DCAF6: variants seen among roughly 807,000 people sequenced by gnomAD.
The protein encoded by DCAF6 is DDB1- and CUL4-associated factor 6.
A neutral mutation model predicts 125.1 loss-of-function variants in DCAF6; 54 were observed. The observed-to-expected ratio is 0.43, with a 90% CI of 0.35 to 0.54. The LOEUF (loss-of-function observed/expected upper bound fraction) is 0.54, where lower values mean the gene tolerates loss of function less well. Ranked by LOEUF, DCAF6 falls within the 20% of genes least tolerant of loss-of-function variation. The probability of loss-of-function intolerance (pLI) is 0.01; values close to 1 mark genes in which losing one functional copy is unlikely to be tolerated. For synonymous variants in DCAF6, 371 were observed against 390.4 expected, an observed-to-expected ratio of 0.95 and a Z score of 0.58; for missense variants, 934 against 1,161.7, an observed-to-expected ratio of 0.80 and a Z score of 2.85.
the DCAF6 span, among the ~76,000 whole-genome samples, chr1:167,867,485 G>A: frequency 2.0e-5 from 3 of 152,088 alleles, no homozygotes; most frequent in Non-Finnish European, 4.4e-5. Context: ...ATTATTTCAT[G>A]GTTATTATAA....
intron 7 of DCAF6, among the ~76,000 whole-genome samples, chr1:167,997,472 T>G (rs973755397): frequency 2.6e-5 from 4 of 151,730 alleles, no homozygotes; most frequent in African/African-American, 9.7e-5. Flanking sequence ...CAGTTGCCTT[T>G]AGCCATACTT....
chr1:167,896,834 A>T, the DCAF6 span: 1 of 642,678 alleles, frequency 1.6e-6, no homozygotes, highest in South Asian at 1.8e-5. Context: ...TGATTTGTAA[A>T]ATTGAAATTT....
chr1:167,968,084 C>G (rs1204213425), intron 3 of DCAF6, among the ~76,000 whole-genome samples: 1 of 151,962 alleles, frequency 6.6e-6, no homozygotes, highest in East Asian at 1.9e-4. Flanking sequence ...ATAGTAATTC[C>G]AAAAATGTAC....
intron 10 of DCAF6, among the ~76,000 whole-genome samples, chr1:168,006,835 T>C (rs528241695): frequency 6.6e-6 from 1 of 152,204 alleles, no homozygotes; most frequent in Non-Finnish European, 1.5e-5. Context: ...TTTACTGATA[T>C]CAAAGAAACG....
intron 17 of DCAF6, among the ~76,000 whole-genome samples, chr1:168,059,165 A>G (rs1691274598): frequency 6.6e-6 from 1 of 152,068 alleles, no homozygotes; most frequent in Non-Finnish European, 1.5e-5. Context: ...TACTTTTGAC[A>G]TTTAAGTTAC....
At chr1:167,881,966 G>A in the DCAF6 span, among the ~76,000 whole-genome samples, 1 of 152,190 alleles carries the variant, frequency 6.6e-6, no homozygotes, top group African/African-American at 2.4e-5. Flanking sequence ...CTTCCTGCCT[G>A]GTTGTGTCAA....
chr1:167,929,417 A>C, the DCAF6 span, among the ~76,000 whole-genome samples: 1 of 152,218 alleles, frequency 6.6e-6, no homozygotes, highest in African/African-American at 2.4e-5. Context: ...TCAAGAATGA[A>C]AAATACTGAC....
At chr1:167,881,772 A>G in the DCAF6 span, among the ~76,000 whole-genome samples, 70 of 152,240 alleles carry the variant, frequency 4.6e-4, no homozygotes, top group Non-Finnish European at 9.6e-4. Flanking sequence ...GCTAAGTCTC[A>G]CAGCTGGGAA....
the DCAF6 span, among the ~76,000 whole-genome samples, chr1:167,919,729 C>T: frequency 6.6e-6 from 1 of 152,106 alleles, no homozygotes; most frequent in Non-Finnish European, 1.5e-5. Context: ...AGGTAACATA[C>T]TGCTTAACTG....
At chr1:168,058,780 G>A (rs1433813187) in intron 17 of DCAF6, among the ~76,000 whole-genome samples, 1 of 152,128 alleles carries the variant, frequency 6.6e-6, no homozygotes, top group Non-Finnish European at 1.5e-5. Flanking sequence ...TGTTAGTCAG[G>A]CTGGTCTTGA....
the DCAF6 span, among the ~76,000 whole-genome samples, chr1:167,866,630 CT>C: frequency 6.7e-6 from 1 of 149,750 alleles, no homozygotes; most frequent in African/African-American, 2.4e-5. Context: ...AAATCCCAAA[CT>C]TACAAGGTTT....
chr1:167,941,912 C>A (rs1672301383), intron 1 of DCAF6, among the ~76,000 whole-genome samples: 1 of 152,152 alleles, frequency 6.6e-6, no homozygotes, highest in Non-Finnish European at 1.5e-5. Context: ...TCCAGACTGT[C>A]TTCCAAAGTA....
intron 1 of DCAF6, among the ~76,000 whole-genome samples, chr1:167,951,300 C>T (rs554644956): frequency 6.2e-4 from 94 of 152,260 alleles, no homozygotes; most frequent in African/African-American, 1.9e-3. Context: ...ACAGGCCGGG[C>T]GTGGTGGCTC....
At chr1:168,050,567 C>T (rs1689785376) in intron 16 of DCAF6, among the ~76,000 whole-genome samples, 1 of 151,998 alleles carries the variant, frequency 6.6e-6, no homozygotes, top group Non-Finnish European at 1.5e-5. Flanking sequence ...TGTACGTGTT[C>T]CAGAGGATGG....
At chr1:167,965,831 C>T (rs148693087) in intron 2 of DCAF6, among the ~76,000 whole-genome samples, 2,310 of 152,150 alleles carry the variant, frequency 0.015, 54 homozygotes, top group African/African-American at 0.051. Flanking sequence ...GACGGGGTTT[C>T]GCCATATTGG....
intron 10 of DCAF6, among the ~76,000 whole-genome samples, chr1:168,014,824 G>A (rs544535041): frequency 1.1e-4 from 17 of 152,158 alleles, no homozygotes; most frequent in African/African-American, 4.1e-4. Context: ...TGGTTTACTC[G>A]CTTATTTCCT....
intron 2 of DCAF6, among the ~76,000 whole-genome samples, chr1:167,961,545 GGA>G (rs1302304807): frequency 6.6e-6 from 1 of 152,078 alleles, no homozygotes; most frequent in Non-Finnish European, 1.5e-5. Flanking sequence ...CTGGCCTCCA[GGA>G]GGGTTTTTAA....
chr1:167,925,450 T>C, the DCAF6 span, among the ~76,000 whole-genome samples: 18 of 107,812 alleles, frequency 1.7e-4, no homozygotes, highest in South Asian at 8.2e-4. Context: ...CACATATATA[T>C]ATATATATAT....
At chr1:167,966,829 C>A (rs371753497) in intron 3 of DCAF6, 108 bp downstream of exon 3, 11 of 692,746 alleles carry the variant, frequency 1.6e-5, no homozygotes, top group Non-Finnish European at 2.5e-6. Context: ...TTAGAATATC[C>A]TCCCTATTTT....
Sources: gnomAD v4.1 joint callset for allele counts (sites outside exome capture counted in the v4.1 genomes callset) on GRCh38, gnomAD v4.1.1 for gene constraint, MANE v1.5 for transcripts, NCBI Gene and HGNC (gene_info 2026-07-23, HGNC 2026-07-21) for gene names.